Variants in LRRC41 observed in about 807,000 individuals in gnomAD.
The protein encoded by LRRC41 is leucine-rich repeat-containing protein 41.
In LRRC41, 17 loss-of-function variants were observed where a neutral mutation model predicts 72.1. That is an observed-to-expected ratio of 0.24 (90% CI 0.16 to 0.35). LRRC41 has a LOEUF of 0.35. Among genes scored for constraint, LRRC41 ranks in the 10% least tolerant of loss-of-function variants. The probability of loss-of-function intolerance (pLI) is 1.00; values close to 1 mark genes in which losing one functional copy is unlikely to be tolerated. For missense variants in LRRC41, 759 were observed against 1,065.0 expected, an observed-to-expected ratio of 0.71 and a Z score of 4.00; for synonymous variants, 427 against 431.0, an observed-to-expected ratio of 0.99 and a Z score of 0.11.
rs200339874 is a variant in LRRC41 at position 46,285,470 on chromosome 1, A to G, written c.1387T>C (p.Ser463Pro). The change falls in exon 4 of 10, where the codon TCC becomes CCC. Residue 463 changes from serine (S) to proline (P), a missense_variant. By Grantham distance (74) the Ser-to-Pro change is moderately conservative. Transcript: ENST00000617190. This position sits in a 1 kb window ranked among gnomAD's most constrained non-coding sequence, Gnocchi z 5.3. ...LEASQRFRSI[S>P]TLELFTVPLS... ...GGAACTGTGAATAGCTCCAAGGTGG[A>G]GATGCTGCGGAATCTTTGTGAAGCT... 1.9e-5 allele frequency: 31 copies of G among 1,614,164 alleles called. 1 individual carries two copies. In the Admixed American group the frequency reaches 3.7e-4, roughly 19 times the overall value.
chr1:46,293,401 A>G (rs751955553), intron 3 of LRRC41, among the ~76,000 whole-genome samples: 7 of 151,408 alleles, frequency 4.6e-5, no homozygotes, highest in Non-Finnish European at 8.8e-5. Context: ...CAGCACCCCC[A>G]GCTAACTTTT....
chr1:46,289,523 AGGCCGAGGCGG>A (rs1660960375), intron 3 of LRRC41, among the ~76,000 whole-genome samples: 1 of 152,044 alleles, frequency 6.6e-6, no homozygotes, highest in Non-Finnish European at 1.5e-5. Flanking sequence ...GCACTTTGGG[AGGCCGAGGCGG>A]GGGGGATCAC....
At position 46,285,498 on chromosome 1, in the gene LRRC41, C is replaced by T. The variant is rs776227104; in HGVS notation, c.1359G>A (p.Leu453=). The T allele has an allele frequency of 5.0e-6, 8 of 1,614,118 alleles. No homozygotes were observed. Among genetic ancestry groups the T allele is most frequent in the South Asian group, 1.1e-5 (1 of 91,084 alleles). Residue 453 remains leucine, a synonymous_variant, in exon 4 of 10, where the codon CTG becomes CTA. Transcript: ENST00000617190. The surrounding 1 kb of genome is among the most constrained non-coding windows in gnomAD (Gnocchi z 5.3). ...SDPSCLGLPA[L]EASQRFRSIS... ...TGCTGCGGAATCTTTGTGAAGCTTC[C>T]AGTGCTGGAAGCCCCAGGCAGCTGG...
chr1:46,302,339 GCTCCGGGCCCCC>G lies in LRRC41; in HGVS notation c.199+773_199+784del, dbSNP rs1173310178. 3.7e-5 allele frequency: 36 copies of G among 985,172 alleles called. No individual in the cohort carries two copies. The highest frequency in any genetic ancestry group is 4.3e-5 in the Non-Finnish European group (36 of 829,898). The allele number at this position is 985,172 out of a possible 1,614,324, so 61.0% of individuals were successfully genotyped here. ...CGAGCCTCCCTCGCTTGTTTAAGCC[GCTCCGGGCCCCC>G]CTCCACTCGCTCTCCGGTCCCTCCT... On this transcript the variant is annotated intron_variant, in intron 1 of 9. Transcript: ENST00000617190. This position sits in a 1 kb window ranked among gnomAD's most constrained non-coding sequence, Gnocchi z 4.7.
In LRRC41 at chr1:46,279,310, G is replaced by T; in HGVS notation, c.2144-53C>A. The stretch of plus-strand genomic sequence containing the variant: ...CCTCCACCCAAGAACAGGGGACAAG[G>T]GTATCCCAACCCAACTATGGCTGGC... On this transcript the variant is annotated intron_variant, in intron 8 of 9. Coordinates refer to ENST00000617190, the MANE Select transcript of LRRC41 (RefSeq NM_006369.5). This position sits in a 1 kb window ranked among gnomAD's most constrained non-coding sequence, Gnocchi z 4.5. 1.3e-6 allele frequency: 2 copies of T among 1,599,796 alleles called. No homozygotes were observed. Among genetic ancestry groups the T allele is most frequent in the South Asian group, 2.2e-5 (2 of 90,660 alleles).
At chr1:46,280,640 G>T (rs929802175) in intron 5 of LRRC41, 80 bp from the exon 6 acceptor site, 1 of 1,406,998 alleles carries the variant, frequency 7.1e-7, no homozygotes, top group African/African-American at 1.4e-5. Context: ...GTTCTTAAGG[G>T]ATTCATCTAA....
At position 46,285,535 on chromosome 1, in the gene LRRC41, T is replaced by C; in HGVS notation, c.1322A>G (p.Asp441Gly). The change falls in exon 4 of 10, where the codon GAT becomes GGT. Residue 441 changes from aspartate (D) to glycine (G), a missense_variant. Coordinates refer to ENST00000617190, the MANE Select transcript of LRRC41 (RefSeq NM_006369.5). The surrounding 1 kb of genome is among the most constrained non-coding windows in gnomAD (Gnocchi z 5.3). ...CCCCAGGCAGCTGGGATCTGATCCATCCAAAGCTCCACAAGCCACTTCCCC... is the reference window on the plus strand; with the variant it reads ...CCCCAGGCAGCTGGGATCTGATCCACCCAAAGCTCCACAAGCCACTTCCCC... Reference protein sequence around the residue: ...EIGEVACGALDGSDPSCLGLP... With the variant: ...EIGEVACGALGGSDPSCLGLP... The C allele has an allele frequency of 6.2e-7, 1 of 1,613,688 alleles. No individual in the cohort carries two copies. Among genetic ancestry groups the C allele is most frequent in the Non-Finnish European group, 8.5e-7 (1 of 1,179,842 alleles).
In LRRC41 at chr1:46,298,285, T is replaced by C. The variant is rs149510380; in HGVS notation, c.285A>G (p.Lys95=). 7.9e-5 allele frequency: 127 copies of C among 1,597,582 alleles called. No homozygotes were observed. In the African/African-American group the frequency reaches 1.4e-3, roughly 18 times the overall value. ...LERIEETALK[K]GLSTQAIWRR... ...AGAAAGAGACAGAAAGATACTCACC[T>C]TTCTTGAGGGCAGTTTCCTCAATCC... The change falls in exon 2 of 10, where the codon AAA becomes AAG. Residue 95 remains lysine, a splice_region_variant and synonymous_variant. Coordinates refer to ENST00000617190, the MANE Select transcript of LRRC41 (RefSeq NM_006369.5).
chr1:46,289,006 C>A lies in LRRC41; in HGVS notation c.358-2507G>T, dbSNP rs72901075. ...AAGTGAGTGAGTCAGATGGTTATTA[C>A]AATATCTGTGCCTAAAATATGGACA... is the stretch of plus-strand genomic sequence containing the variant. On this transcript the variant is annotated intron_variant, in intron 3 of 9. Coordinates refer to ENST00000617190, the MANE Select transcript of LRRC41 (RefSeq NM_006369.5). Among the ~76,000 whole-genome samples the A allele has an allele frequency of 8.2e-3, 1,253 of 152,338 alleles. 19 individuals carry two copies. Among genetic ancestry groups the A allele is most frequent in the Middle Eastern group, 0.037 (11 of 294 alleles).
At chr1:46,297,211 T>C (rs1436542259) in intron 3 of LRRC41, 1 of 199,596 alleles carries the variant, frequency 5.0e-6, no homozygotes, top group Non-Finnish European at 1.0e-5. Context: ...CCCGATACCA[T>C]GCAATTGGAA....
At position 46,302,213 on chromosome 1, in the gene LRRC41, TGGCGGC is replaced by T; in HGVS notation, c.199+905_199+910del. 3 of 985,360 alleles carry T rather than the reference TGGCGGC, an allele frequency of 3.0e-6. No individual in the cohort carries two copies. Among genetic ancestry groups the T allele is most frequent in the Non-Finnish European group, 3.6e-6 (3 of 829,898 alleles). The allele number at this position is 985,360 out of a possible 1,614,324, so 61.0% of individuals were successfully genotyped here. A position where few individuals can be genotyped will look rare whatever the true frequency, so the allele number is the denominator to read the frequency against. ...CACTCCCATTCAGCCCAAGGCCTCTTGGCGGCGCCGCGCCCCCTGCCACGGCAGCCC... is the reference window on the plus strand; with the variant it reads ...CACTCCCATTCAGCCCAAGGCCTCTTGCCGCGCCCCCTGCCACGGCAGCCC... On this transcript the variant is annotated intron_variant, in intron 1 of 9. Transcript: ENST00000617190. The surrounding 1 kb of genome is among the most constrained non-coding windows in gnomAD (Gnocchi z 4.7).
chr1:46,298,245 C>T (rs776192938), intron 2 of LRRC41, 39 bp downstream of exon 2: 2 of 1,393,760 alleles, frequency 1.4e-6, no homozygotes, highest in Non-Finnish European at 2.0e-6. Flanking sequence ...GTGCCTTGCT[C>T]ATAATCATTG....
Position 46,278,913 on chromosome 1 carries a change from G to A in LRRC41, c.2391C>T (p.Asp797=). Reference sequence around the variant, plus strand: ...CGAAGGCCTGGGATGAGTCCCATGAGTCGCTAACCACATGGCAGGTAGCCC... The same window carrying A: ...CGAAGGCCTGGGATGAGTCCCATGAATCGCTAACCACATGGCAGGTAGCCC... ...RLRATCHVVS[D]SWDSSQAFAD... Residue 797 remains aspartate (D), a synonymous_variant, in exon 10 of 10, where the codon GAC becomes GAT. Transcript: ENST00000617190. 1.2e-6 allele frequency: 2 copies of A among 1,613,538 alleles called. No homozygotes were observed. The highest frequency in any genetic ancestry group is 1.1e-5 in the South Asian group (1 of 91,026).
chr1:46,298,381 C>T lies in LRRC41; in HGVS notation c.200-11G>A, dbSNP rs373287127. On this transcript the variant is annotated splice_polypyrimidine_tract_variant and intron_variant, in intron 1 of 9. Coordinates refer to ENST00000617190, the MANE Select transcript of LRRC41 (RefSeq NM_006369.5). ...TTGGGCCTGGGAGGGCTACAAAAAT[C>T]AAAACAAAAGTTTACTTTTCCTCCC... is the stretch of plus-strand genomic sequence containing the variant. 2 of 1,588,380 alleles carry T rather than the reference C, an allele frequency of 1.3e-6. No individual in the cohort carries two copies. The highest frequency in any genetic ancestry group is 1.1e-5 in the South Asian group (1 of 89,414).
Position 46,303,513 on chromosome 1 carries a change from T to C in LRRC41, c.-191A>G. The C allele has an allele frequency of 5.4e-6, 4 of 737,196 alleles. No individual in the cohort carries two copies. The highest frequency in any genetic ancestry group is 5.4e-5 in the East Asian group (2 of 36,778). 45.7% of individuals were successfully genotyped at this position (737,196 alleles called of 1,614,324 possible). ...AGATAAACTCCTAGATCAATTATAC[T>C]TGGGTGTGGTATGACTAAGGGGATG... On this transcript the variant is annotated 5_prime_UTR_variant, in exon 1 of 10. Transcript: ENST00000617190.
intron 5 of LRRC41, among the ~76,000 whole-genome samples, chr1:46,280,823 T>C (rs1490413187): frequency 3.9e-5 from 6 of 152,140 alleles, no homozygotes; most frequent in Non-Finnish European, 7.4e-5. Flanking sequence ...AGTGGTGGGA[T>C]AGGAGACATA....
chr1:46,282,277 T>C (rs977405299), intron 4 of LRRC41, among the ~76,000 whole-genome samples: 1 of 152,130 alleles, frequency 6.6e-6, no homozygotes, highest in East Asian at 1.9e-4. Context: ...CCAACTGGGA[T>C]ACTTAAAAGA....
At position 46,288,437 on chromosome 1, in the gene LRRC41, A is replaced by G. The variant is rs1481069126; in HGVS notation, c.358-1938T>C. 1.3e-5 allele frequency among the ~76,000 whole-genome samples: 2 copies of G among 152,214 alleles called. 1 individual carries two copies. Among genetic ancestry groups the G allele is most frequent in the African/African-American group, 4.8e-5 (2 of 41,432 alleles). Reference sequence around the variant, plus strand: ...TAAAGCACTTTGTAAACTGTAAGATATAAAAAATGTTACTGCTGCCACTGC... The same window carrying G: ...TAAAGCACTTTGTAAACTGTAAGATGTAAAAAATGTTACTGCTGCCACTGC... On this transcript the variant is annotated intron_variant, in intron 3 of 9. Coordinates refer to ENST00000617190, the MANE Select transcript of LRRC41 (RefSeq NM_006369.5).
intron 3 of LRRC41, among the ~76,000 whole-genome samples, chr1:46,294,988 A>C (rs543128619): frequency 5.9e-5 from 9 of 152,284 alleles, no homozygotes; most frequent in Admixed American, 3.3e-4. Context: ...CTAGAGAATA[A>C]TTTATTGGGT....
Sources: gnomAD v4.1 joint callset for allele counts (sites outside exome capture counted in the v4.1 genomes callset) on GRCh38, gnomAD v4.1.1 for gene constraint, Gnocchi (gnomAD v3.1) non-coding constraint, MANE v1.5 for transcripts, NCBI Gene and HGNC (gene_info 2026-07-23, HGNC 2026-07-21) for gene names.